The following LTBP1 variants were observed in gnomAD, a reference collection of about 807,000 sequenced individuals.
The protein encoded by LTBP1 is latent transforming growth factor beta binding protein 1, also known as latent-transforming growth factor beta-binding protein 1.
Under a neutral mutation model 207.6 loss-of-function variants are expected in LTBP1, and 129 were observed. That is an observed-to-expected ratio of 0.62 (90% CI 0.54 to 0.72). LTBP1 has a LOEUF of 0.72. LTBP1 is among the 30% of genes least tolerant of loss of function. The pLI, the probability that LTBP1 is intolerant of heterozygous loss-of-function variation, is 0.00. For synonymous variants in LTBP1, 963 were observed against 833.7 expected (o/e 1.16, Z -2.67); for missense variants, 2,281 against 2,217.2 (o/e 1.03, Z -0.58).
intron 7 of LTBP1, among the ~76,000 whole-genome samples, chr2:33,190,642 A>T (rs529307303): frequency 6.6e-6 from 1 of 152,336 alleles, no homozygotes; most frequent in South Asian, 2.1e-4. Flanking sequence ...TGTTAAGATT[A>T]ATCAAGATAA....
chr2:33,325,493 G>A (rs942907843), intron 24 of LTBP1, among the ~76,000 whole-genome samples: 17 of 152,228 alleles, frequency 1.1e-4, no homozygotes, highest in South Asian at 1.0e-3. Flanking sequence ...AAGAGAAAGC[G>A]TACAGCATGG....
At chr2:33,321,345 G>T (rs1466542522) in intron 24 of LTBP1, among the ~76,000 whole-genome samples, 1 of 152,000 alleles carries the variant, frequency 6.6e-6, no homozygotes, top group South Asian at 2.1e-4. Flanking sequence ...AATGGAAACC[G>T]GTAAAAATTG....
chr2:33,146,512 T>C (rs1350393022), intron 5 of LTBP1, among the ~76,000 whole-genome samples: 2 of 152,208 alleles, frequency 1.3e-5, no homozygotes, highest in African/African-American at 4.8e-5. Flanking sequence ...TTATTCTCTT[T>C]AATTGTTTTG....
intron 24 of LTBP1, among the ~76,000 whole-genome samples, chr2:33,332,341 C>CAGCCTGGT (rs1559025444): frequency 8.4e-6 from 1 of 118,818 alleles, no homozygotes; most frequent in African/African-American, 3.3e-5. Context: ...GAGGCCAGGC[C>CAGCCTGGT]AGCCTGGTTG....
intron 7 of LTBP1, among the ~76,000 whole-genome samples, chr2:33,203,541 A>C (rs2089554140): frequency 1.3e-5 from 2 of 152,202 alleles, no homozygotes; most frequent in Admixed American, 1.3e-4. Context: ...AGAGGCTGTC[A>C]GCTTTAAGGG....
intron 19 of LTBP1, among the ~76,000 whole-genome samples, chr2:33,283,957 T>C (rs931724308): frequency 6.6e-6 from 1 of 152,248 alleles, no homozygotes; most frequent in African/African-American, 2.4e-5. Context: ...AAATTTCACA[T>C]TATGCTTATA....
At chr2:33,320,754 A>G (rs908176886) in intron 24 of LTBP1, among the ~76,000 whole-genome samples, 1 of 152,224 alleles carries the variant, frequency 6.6e-6, no homozygotes, top group Non-Finnish European at 1.5e-5. Flanking sequence ...GATGTAAACT[A>G]TGGACTTTGG....
At chr2:33,147,930 G>A (rs2083187226) in intron 5 of LTBP1, among the ~76,000 whole-genome samples, 1 of 152,194 alleles carries the variant, frequency 6.6e-6, no homozygotes, top group Non-Finnish European at 1.5e-5. Context: ...GAACAGACTT[G>A]GTTTCTGCAA....
intron 3 of LTBP1, among the ~76,000 whole-genome samples, chr2:33,096,500 A>G (rs1371567455): frequency 1.3e-5 from 2 of 152,190 alleles, no homozygotes; most frequent in African/African-American, 4.8e-5. Flanking sequence ...AACAAATGCT[A>G]TTGGGATCTC....
rs72869694 is a variant in LTBP1, at chr2:33,083,606, A to T, written c.864-26976A>T. ...CTGCAGGGGTGATTTCTGGTGCTGCAGTAGGTCCTTAACTTAGAGAACAAT... is the reference window on the plus strand; with the variant it reads ...CTGCAGGGGTGATTTCTGGTGCTGCTGTAGGTCCTTAACTTAGAGAACAAT... On this transcript the variant is annotated intron_variant, in intron 3 of 33. Coordinates refer to ENST00000404816, the MANE Select transcript of LTBP1 (RefSeq NM_206943.4). Among the ~76,000 whole-genome samples, 687 of 152,296 alleles carry T rather than the reference A, an allele frequency of 4.5e-3. 9 individuals are homozygous for T. The highest frequency in any genetic ancestry group is 0.015 in the African/African-American group (644 of 41,562).
chr2:33,021,067 T>C lies in LTBP1; in HGVS notation c.724T>C (p.Trp242Arg), dbSNP rs369029184. Residue 242 changes from tryptophan (W) to arginine (R), a missense_variant, in exon 3 of 34, where the codon TGG (tryptophan) becomes CGG (arginine). Coordinates refer to ENST00000404816, the MANE Select transcript of LTBP1 (RefSeq NM_206943.4). Reference sequence around the variant, plus strand: ...GCAGAGTCCTGGGGCTGCTTCCTCGTGGGGCCCTCCTGAGCAAGCAGCAAA... The same window carrying C: ...GCAGAGTCCTGGGGCTGCTTCCTCGCGGGGCCCTCCTGAGCAAGCAGCAAA... ...GGQSPGAASS[W>R]GPPEQAAKHT... 1.5e-5 allele frequency: 24 copies of C among 1,613,954 alleles called. No individual in the cohort carries two copies. The highest frequency in any genetic ancestry group is 1.2e-4 in the African/African-American group (9 of 74,884).
At position 33,315,134 on chromosome 2, in the gene LTBP1, T is replaced by C. The variant is rs1440406406; in HGVS notation, c.3605-10T>C. 3.1e-6 allele frequency: 5 copies of C among 1,588,432 alleles called. No homozygotes were observed. Among genetic ancestry groups the C allele is most frequent in the Middle Eastern group, 1.7e-4 (1 of 5,954 alleles). ...TTTTCAAGTTTTTAAGACTCTATTTTAAATTACAGATATTAATGAATGTGA... is the reference window on the plus strand; with the variant it reads ...TTTTCAAGTTTTTAAGACTCTATTTCAAATTACAGATATTAATGAATGTGA... On this transcript the variant is annotated splice_polypyrimidine_tract_variant and intron_variant, in intron 23 of 33. Transcript: ENST00000404816.
At chr2:33,217,141 A>G (rs896097935) in intron 7 of LTBP1, among the ~76,000 whole-genome samples, 10 of 152,166 alleles carry the variant, frequency 6.6e-5, no homozygotes, top group African/African-American at 1.4e-4. Flanking sequence ...CATTTTACAC[A>G]CATGCCATAC....
intron 31 of LTBP1, among the ~76,000 whole-genome samples, chr2:33,382,629 C>T (rs973308883): frequency 6.6e-6 from 1 of 152,098 alleles, no homozygotes; most frequent in South Asian, 2.1e-4. Flanking sequence ...CCACCCTGTC[C>T]GTAATGAAGC....
At chr2:33,266,411 G>C (rs966154835) in intron 15 of LTBP1, among the ~76,000 whole-genome samples, 1 of 152,174 alleles carries the variant, frequency 6.6e-6, no homozygotes, top group Non-Finnish European at 1.5e-5. Context: ...GTTCCTGGGT[G>C]GAAAGGGGTG....
At chr2:33,111,755 C>T (rs2080418961) in intron 4 of LTBP1, among the ~76,000 whole-genome samples, 1 of 152,124 alleles carries the variant, frequency 6.6e-6, no homozygotes, top group Admixed American at 6.5e-5. Context: ...TTGAGAAAGT[C>T]CTGCTCAGTG....
chr2:33,143,659 T>C (rs2082801034), intron 5 of LTBP1, among the ~76,000 whole-genome samples: 1 of 152,186 alleles, frequency 6.6e-6, no homozygotes, highest in Admixed American at 6.5e-5. Flanking sequence ...TTTCCATACC[T>C]TTAGTACAGC....
chr2:33,166,933 CT>C (rs1234162193), intron 5 of LTBP1, among the ~76,000 whole-genome samples: 2 of 152,166 alleles, frequency 1.3e-5, no homozygotes, highest in Non-Finnish European at 2.9e-5. Context: ...ATGTAACTGA[CT>C]TTCCAAATTA....
At chr2:33,263,770 G>A (rs1040339482) in intron 15 of LTBP1, among the ~76,000 whole-genome samples, 2 of 151,818 alleles carry the variant, frequency 1.3e-5, no homozygotes, top group African/African-American at 4.8e-5. Flanking sequence ...TGGCCAACAT[G>A]GCGAAACCCC....
Sources: gnomAD v4.1 joint callset for allele counts (sites outside exome capture counted in the v4.1 genomes callset) on GRCh38, gnomAD v4.1.1 for gene constraint, MANE v1.5 for transcripts, NCBI Gene and HGNC (gene_info 2026-07-23, HGNC 2026-07-21) for gene names.